The following ABCA13 variants were observed in gnomAD, a reference collection of about 807,000 sequenced individuals.
ABCA13 encodes ATP-binding cassette sub-family A member 13.
Under a neutral mutation model 478.7 loss-of-function variants are expected in ABCA13, and 476 were observed. That is an observed-to-expected ratio of 0.99 (90% CI 0.92 to 1.07). ABCA13 has a LOEUF of 1.07. Among genes scored for constraint, ABCA13 ranks in the 50% least tolerant of loss-of-function variants. The probability of loss-of-function intolerance (pLI) is 0.00; values close to 1 mark genes in which losing one functional copy is unlikely to be tolerated. For synonymous variants in ABCA13, 2,252 were observed against 2,158.9 expected (o/e 1.04, Z -1.20); for missense variants, 6,060 against 5,910.6 (o/e 1.03, Z -0.83).
intron 3 of ABCA13, among the ~76,000 whole-genome samples, chr7:48,208,054 T>C (rs1181774954): frequency 6.6e-6 from 1 of 152,120 alleles, no homozygotes; most frequent in Non-Finnish European, 1.5e-5. Flanking sequence ...AAGAGACTGT[T>C]CTTTCCTCAT....
intron 24 of ABCA13, among the ~76,000 whole-genome samples, chr7:48,311,264 A>C (rs1317073719): frequency 2.0e-5 from 3 of 152,134 alleles, no homozygotes; most frequent in East Asian, 1.9e-4. Flanking sequence ...GAACACACAC[A>C]CACCCACACA....
chr7:48,291,421 T>C (rs1798518179), intron 20 of ABCA13, among the ~76,000 whole-genome samples: 1 of 152,076 alleles, frequency 6.6e-6, no homozygotes, highest in Non-Finnish European at 1.5e-5. Context: ...GATTTAACAA[T>C]GAGATTTAAG....
At chr7:48,374,670 T>C (rs1351062592) in intron 34 of ABCA13, among the ~76,000 whole-genome samples, 1 of 152,162 alleles carries the variant, frequency 6.6e-6, no homozygotes, top group African/African-American at 2.4e-5. Flanking sequence ...AATGCTTGGG[T>C]CTTCCTTATA....
intron 48 of ABCA13, among the ~76,000 whole-genome samples, chr7:48,495,792 C>A (rs919159772): frequency 9.9e-5 from 15 of 151,932 alleles, no homozygotes; most frequent in African/African-American, 3.6e-4. Context: ...GTGGATTGAG[C>A]CTTTTATCAT....
intron 59 of ABCA13, among the ~76,000 whole-genome samples, chr7:48,625,909 T>C (rs1056762535): frequency 4.6e-5 from 7 of 152,218 alleles, no homozygotes; most frequent in Non-Finnish European, 1.0e-4. Context: ...TGAGTCCTGT[T>C]CATTCATACA....
chr7:48,378,680 T>C (rs1297622616), intron 35 of ABCA13, among the ~76,000 whole-genome samples: 2 of 152,194 alleles, frequency 1.3e-5, no homozygotes, highest in Non-Finnish European at 2.9e-5. Context: ...ATCTACCCAA[T>C]ATGTTAAACT....
At chr7:48,446,146 AGTAAGAT>A (rs1175194034) in intron 42 of ABCA13, among the ~76,000 whole-genome samples, 1 of 152,192 alleles carries the variant, frequency 6.6e-6, no homozygotes, top group Non-Finnish European at 1.5e-5. Flanking sequence ...CTGGGTACTT[AGTAAGAT>A]GGCATATTCT....
At chr7:48,449,894 T>C (rs1012101380) in intron 42 of ABCA13, among the ~76,000 whole-genome samples, 1 of 152,196 alleles carries the variant, frequency 6.6e-6, no homozygotes, top group African/African-American at 2.4e-5. Context: ...CTGGTTACCC[T>C]CCCTACCTGT....
intron 58 of ABCA13, among the ~76,000 whole-genome samples, chr7:48,600,260 G>T (rs1026386126): frequency 2.0e-5 from 3 of 151,302 alleles, no homozygotes; most frequent in African/African-American, 7.3e-5. Flanking sequence ...TAATGTTTGT[G>T]TGGTATATCT....
At chr7:48,210,332 A>T (rs1217836695) in intron 3 of ABCA13, among the ~76,000 whole-genome samples, 1 of 152,184 alleles carries the variant, frequency 6.6e-6, no homozygotes, top group East Asian at 1.9e-4. Context: ...ATTACCTCCC[A>T]TGAAGTCCCT....
intron 59 of ABCA13, among the ~76,000 whole-genome samples, chr7:48,627,769 G>T (rs1213340468): frequency 6.6e-6 from 1 of 152,188 alleles, no homozygotes; most frequent in African/African-American, 2.4e-5. Flanking sequence ...CCTCTGGTCG[G>T]CTTCTGGTGA....
chr7:48,571,762 T>A (rs1787674527), intron 55 of ABCA13, among the ~76,000 whole-genome samples: 1 of 152,242 alleles, frequency 6.6e-6, no homozygotes, highest in South Asian at 2.1e-4. Flanking sequence ...TCAATCTTTA[T>A]AACTTTCTTT....
intron 42 of ABCA13, among the ~76,000 whole-genome samples, chr7:48,444,518 T>G (rs558465785): frequency 1.8e-4 from 28 of 152,258 alleles, no homozygotes; most frequent in Non-Finnish European, 3.7e-4. Flanking sequence ...CTATGACACA[T>G]CACTTGTTTT....
chr7:48,567,970 T>C (rs1787246035), intron 55 of ABCA13, among the ~76,000 whole-genome samples: 1 of 152,148 alleles, frequency 6.6e-6, no homozygotes, highest in South Asian at 2.1e-4. Flanking sequence ...TGAAATTGCC[T>C]CCATAGAGCA....
At chr7:48,540,757 A>G (rs1386942198) in intron 55 of ABCA13, among the ~76,000 whole-genome samples, 1 of 152,136 alleles carries the variant, frequency 6.6e-6, no homozygotes, top group African/African-American at 2.4e-5. Flanking sequence ...TGAGAGTAAT[A>G]CATGTCTAAA....
At chr7:48,644,162 C>T (rs1434777559) in intron 60 of ABCA13, among the ~76,000 whole-genome samples, 1 of 152,142 alleles carries the variant, frequency 6.6e-6, no homozygotes, top group South Asian at 2.1e-4. Context: ...ATAAAACAGA[C>T]ATAATTATCT....
At chr7:48,472,257 A>G (rs542880604) in intron 45 of ABCA13, among the ~76,000 whole-genome samples, 1 of 152,308 alleles carries the variant, frequency 6.6e-6, no homozygotes, top group South Asian at 2.1e-4. Flanking sequence ...TATTGAAGTT[A>G]ATTGAGCATC....
intron 20 of ABCA13, among the ~76,000 whole-genome samples, chr7:48,288,320 A>G (rs1798048957): frequency 6.6e-6 from 1 of 152,180 alleles, no homozygotes; most frequent in African/African-American, 2.4e-5. Flanking sequence ...ATTTTCAGGA[A>G]TTTTGCAAGC....
chr7:48,576,818 A>G (rs1324989195), intron 55 of ABCA13, among the ~76,000 whole-genome samples: 1 of 152,174 alleles, frequency 6.6e-6, no homozygotes, highest in Non-Finnish European at 1.5e-5. Context: ...AGATAAACTC[A>G]AACCTCACAC....
Sources: gnomAD v4.1 joint callset for allele counts (sites outside exome capture counted in the v4.1 genomes callset) on GRCh38, gnomAD v4.1.1 for gene constraint, MANE v1.5 for transcripts, NCBI Gene and HGNC (gene_info 2026-07-23, HGNC 2026-07-21) for gene names.